Variants in ZNF714 observed in about 807,000 individuals in gnomAD.
The protein encoded by ZNF714 is zinc finger protein 714.
ZNF714 carries 32 observed loss-of-function variants against 46.2 expected under a neutral mutation model. The observed-to-expected ratio is 0.69, with a 90% CI of 0.52 to 0.93. The LOEUF is 0.93. Ranked by LOEUF, ZNF714 falls within the 40% of genes least tolerant of loss-of-function variation. ZNF714 has a pLI of 0.00. For synonymous variants in ZNF714, 199 were observed against 213.1 expected, an observed-to-expected ratio of 0.93 and a Z score of 0.58; for missense variants, 635 against 646.3, an observed-to-expected ratio of 0.98 and a Z score of 0.19.
At chr19:21,111,618 T>C (rs1305059393) in intron 4 of ZNF714, among the ~76,000 whole-genome samples, 1 of 152,176 alleles carries the variant, frequency 6.6e-6, no homozygotes, top group Admixed American at 6.5e-5. Flanking sequence ...TCCAATACTA[T>C]GTTAAATAGG....
Position 21,107,937 on chromosome 19 carries a change from C to T in ZNF714, c.143-8870C>T, listed in dbSNP as rs116423882. Among the ~76,000 whole-genome samples, 1,107 of 152,176 alleles carry T rather than the reference C, an allele frequency of 7.3e-3. 16 individuals carry two copies. Among genetic ancestry groups the T allele is most frequent in the African/African-American group, 0.026 (1,078 of 41,518 alleles). On this transcript the variant is annotated intron_variant, in intron 4 of 4. Coordinates refer to ENST00000456283, the MANE Select transcript of ZNF714 (RefSeq NM_182515.4). ...TGATTTTGGTCTTCTTATTTATTGT[C>T]GTTTTGAGACAGGATCATATTTATC... is the stretch of plus-strand genomic sequence containing the variant.
intron 4 of ZNF714, among the ~76,000 whole-genome samples, chr19:21,109,294 C>T (rs139975968): frequency 3.9e-5 from 6 of 152,258 alleles, no homozygotes; most frequent in African/African-American, 9.6e-5. Flanking sequence ...TCATGACTCA[C>T]TGCAGCCTCA....
rs1226296957 is a variant in ZNF714 at position 21,117,348 on chromosome 19, C to A, written c.684C>A (p.Pro228=). The A allele has an allele frequency of 5.0e-6, 8 of 1,611,968 alleles. No homozygotes were observed. Among genetic ancestry groups the A allele is most frequent in the Non-Finnish European group, 6.8e-6 (8 of 1,178,630 alleles). The change falls in exon 5 of 5, where the codon CCC becomes CCA. Residue 228 remains proline (P), a synonymous_variant. Transcript: ENST00000456283. ...AGATGATTCATACTGGAGAGAAACC[C>A]TACAGATGTGAAGAATGTGGCAAAG... is the stretch of plus-strand genomic sequence containing the variant. ...THKMIHTGEK[P]YRCEECGKAF...
intron 1 of ZNF714, among the ~76,000 whole-genome samples, chr19:21,082,667 C>T (rs1968682600): frequency 6.6e-6 from 1 of 151,596 alleles, no homozygotes; most frequent in Admixed American, 6.6e-5. Context: ...GGGGTAGAAT[C>T]CTGACTCGGG....
At chr19:21,085,761 C>T (rs1195230594) in intron 2 of ZNF714, among the ~76,000 whole-genome samples, 1 of 151,916 alleles carries the variant, frequency 6.6e-6, no homozygotes, top group Non-Finnish European at 1.5e-5. Context: ...TGAGGACCCA[C>T]AGGCAAATGC....
Position 21,117,187 on chromosome 19 carries a change from T to A in ZNF714, c.523T>A (p.Cys175Ser). Residue 175 changes from cysteine to serine, a missense_variant, in exon 5 of 5, where the codon TGT becomes AGT. Cys to Ser is a moderately radical substitution (Grantham distance 112). Coordinates refer to ENST00000456283, the MANE Select transcript of ZNF714 (RefSeq NM_182515.4). ...RIHIRENSYQ[C>S]EECDKVFKRF... is the part of the protein sequence containing the mutation. The stretch of plus-strand genomic sequence containing the variant: ...TCATATTAGAGAGAATTCTTACCAA[T>A]GTGAAGAATGTGACAAAGTGTTTAA... The A allele has an allele frequency of 6.2e-7, 1 of 1,614,110 alleles. No individual in the cohort carries two copies. The highest frequency in any genetic ancestry group is 8.5e-7 in the Non-Finnish European group (1 of 1,179,964).
intron 2 of ZNF714, among the ~76,000 whole-genome samples, chr19:21,092,297 G>A (rs746509806): frequency 5.9e-5 from 9 of 152,130 alleles, no homozygotes; most frequent in Non-Finnish European, 7.4e-5. Context: ...CCAGGACTAG[G>A]CACCACCCTC....
At chr19:21,101,106 A>G (rs539587179) in intron 4 of ZNF714, among the ~76,000 whole-genome samples, 1 of 152,286 alleles carries the variant, frequency 6.6e-6, no homozygotes, top group East Asian at 1.9e-4. Flanking sequence ...TTCAATTCCA[A>G]TGGCTTTTTA....
chr19:21,117,148 C>T lies in ZNF714; in HGVS notation c.484C>T (p.Gln162Ter), dbSNP rs1267162942. The change falls in exon 5 of 5, where the codon CAA becomes TAA. Residue 162 changes from glutamine to a stop codon, truncating the protein, a stop_gained. Coordinates refer to ENST00000456283, the MANE Select transcript of ZNF714 (RefSeq NM_182515.4). LOFTEE classifies it high-confidence loss of function. ...ATTTTGCATGCTTTTACACCTACAT[C>T]AACATAAAAGAATTCATATTAGAGA... ...ESFCMLLHLH[Q>*]HKRIHIRENS... is the part of the protein sequence containing the mutation. The T allele has an allele frequency of 2.5e-6, 4 of 1,613,698 alleles. No homozygotes were observed. Among genetic ancestry groups the T allele is most frequent in the Non-Finnish European group, 3.4e-6 (4 of 1,179,880 alleles).
At chr19:21,112,224 ATGGT>A (rs1969463253) in intron 4 of ZNF714, among the ~76,000 whole-genome samples, 1 of 152,030 alleles carries the variant, frequency 6.6e-6, no homozygotes, top group African/African-American at 2.4e-5. Flanking sequence ...TGGACTTTTT[ATGGT>A]TGGTAGGCTA....
intron 2 of ZNF714, among the ~76,000 whole-genome samples, chr19:21,096,889 CAG>C (rs1244688128): frequency 6.6e-6 from 1 of 152,040 alleles, no homozygotes; most frequent in Non-Finnish European, 1.5e-5. Flanking sequence ...TTGTTTGAGA[CAG>C]AGTCTCGCTC....
At chr19:21,105,831 T>C (rs988145017) in intron 4 of ZNF714, among the ~76,000 whole-genome samples, 3 of 152,016 alleles carry the variant, frequency 2.0e-5, no homozygotes, top group South Asian at 2.1e-4. Flanking sequence ...AGTGCATGCC[T>C]GTAGTCCCAG....
chr19:21,116,819 C>G lies in ZNF714; in HGVS notation c.155C>G (p.Ser52Cys), dbSNP rs756898064. 2.5e-6 allele frequency: 4 copies of G among 1,592,268 alleles called. No homozygotes were observed. The highest frequency in any genetic ancestry group is 2.6e-6 in the Non-Finnish European group (3 of 1,173,528). ...GTATTTCTTTCAGCTATGTGTTCTT[C>G]TTTTACCAGAGACCTTTGGCCAGAG... ...MVDESPAMCS[S>C]FTRDLWPEQD... Residue 52 changes from serine (S) to cysteine (C), a missense_variant, in exon 5 of 5, where the codon TCT becomes TGT. By Grantham distance (112) the Ser-to-Cys change is moderately radical. Transcript: ENST00000456283.
rs991844293 is a variant in ZNF714, at chr19:21,123,467, G to A, written c.*5135G>A. On this transcript the variant is annotated 3_prime_UTR_variant, in exon 5 of 5. Coordinates refer to ENST00000456283, the MANE Select transcript of ZNF714 (RefSeq NM_182515.4). ...CCTTCCGGGTTCACGCCATTCTCCC[G>A]CCTCAGCCTCCCGAGTAGCTGGGAC... Among the ~76,000 whole-genome samples, 34 of 151,984 alleles carry A rather than the reference G, an allele frequency of 2.2e-4. No homozygotes were observed. Among genetic ancestry groups the A allele is most frequent in the Non-Finnish European group, 4.0e-4 (27 of 67,976 alleles).
chr19:21,087,053 C>G (rs1195661690), intron 2 of ZNF714, among the ~76,000 whole-genome samples: 1 of 151,958 alleles, frequency 6.6e-6, no homozygotes, highest in East Asian at 1.9e-4. Context: ...TTTCAGTTCT[C>G]CATGAATACT....
chr19:21,098,562 T>A (rs1180788455), intron 3 of ZNF714, among the ~76,000 whole-genome samples: 1 of 152,158 alleles, frequency 6.6e-6, no homozygotes, highest in Admixed American at 6.6e-5. Flanking sequence ...AGAAATTTGG[T>A]GGCATAAAAT....
chr19:21,121,253 AATCTCCTGACCTCGTGATCTGGTCTCG>A lies in ZNF714; in HGVS notation c.*2935_*2961del, dbSNP rs879942306. 2 of 152,000 alleles carry A rather than the reference AATCTCCTGACCTCGTGATCTGGTCTCG, an allele frequency of 1.3e-5. No homozygotes were observed. Among genetic ancestry groups the A allele is most frequent in the African/African-American group, 4.8e-5 (2 of 41,408 alleles). The allele number at this position is 152,000 out of a possible 1,614,324, so 9.4% of individuals were successfully genotyped here. ...TCACCATGTTAGCCAGGATGGTCTCAATCTCCTGACCTCGTGATCTGGTCTCGATCTCCTGACCTCATGATCTGCCTG... is the reference window on the plus strand; with the variant it reads ...TCACCATGTTAGCCAGGATGGTCTCAATCTCCTGACCTCATGATCTGCCTG... On this transcript the variant is annotated 3_prime_UTR_variant, in exon 5 of 5. Coordinates refer to ENST00000456283, the MANE Select transcript of ZNF714 (RefSeq NM_182515.4).
chr19:21,094,147 C>T (rs1259343507), intron 2 of ZNF714, among the ~76,000 whole-genome samples: 1 of 152,104 alleles, frequency 6.6e-6, no homozygotes, highest in Non-Finnish European at 1.5e-5. Context: ...CATGTAACCA[C>T]ACCTGGCTAA....
At chr19:21,086,238 G>C (rs994209157) in intron 2 of ZNF714, among the ~76,000 whole-genome samples, 1 of 152,170 alleles carries the variant, frequency 6.6e-6, no homozygotes. Context: ...AATGTGCAGA[G>C]TTCTTACTAG....
Sources: gnomAD v4.1 joint callset for allele counts (sites outside exome capture counted in the v4.1 genomes callset) on GRCh38, gnomAD v4.1.1 for gene constraint, MANE v1.5 for transcripts, NCBI Gene and HGNC (gene_info 2026-07-23, HGNC 2026-07-21) for gene names.